Variants in METTL21A observed in about 807,000 individuals in gnomAD.
The protein encoded by METTL21A is methyltransferase 21A, HSPA lysine.
Under a neutral mutation model 20.9 loss-of-function variants are expected in METTL21A, and 22 were observed. The observed-to-expected ratio is 1.05, with a 90% CI of 0.75 to 1.50. METTL21A has a LOEUF of 1.50. Ranked by LOEUF, METTL21A falls within the 40% of genes most tolerant of loss-of-function variation. The pLI, the probability that METTL21A is intolerant of heterozygous loss-of-function variation, is 0.00. For synonymous variants in METTL21A, 93 were observed against 102.0 expected, an observed-to-expected ratio of 0.91 and a Z score of 0.53; for missense variants, 271 against 266.8, an observed-to-expected ratio of 1.02 and a Z score of -0.11.
At chr2:207,596,530 T>C (rs1036115333) in intron 3 of METTL21A, among the ~76,000 whole-genome samples, 2 of 152,158 alleles carry the variant, frequency 1.3e-5, no homozygotes, top group Non-Finnish European at 2.9e-5. Context: ...GCCTCCCAGG[T>C]TCAAGCGATG....
At chr2:207,603,075 T>C (rs946545716) in intron 3 of METTL21A, 1 of 211,490 alleles carries the variant, frequency 4.7e-6, no homozygotes, top group Non-Finnish European at 9.6e-6. Context: ...CTGATGTTTC[T>C]ATTGGAGTTG....
chr2:207,625,400 C>G (rs909294759), upstream of METTL21A: 5 of 151,994 alleles, frequency 3.3e-5, no homozygotes, highest in Non-Finnish European at 7.4e-5. Flanking sequence ...TTTCCGGTCT[C>G]CCGGCACCCA....
At position 207,599,215 on chromosome 2, in the gene METTL21A, G is replaced by C. The variant is rs143340162; in HGVS notation, c.260-17055C>G. ...GATGTTTGTCCTGCTGAGCTAATGG[G>C]GAAAGTTATAGCATAAAAATTGTGT... is the stretch of plus-strand genomic sequence containing the variant. On this transcript the variant is annotated intron_variant, in intron 3 of 3. Coordinates refer to the METTL21A transcript ENST00000425132. The C allele has an allele frequency of 1.1e-4, 21 of 196,634 alleles. No individual in the cohort carries two copies. The East Asian group carries it at 1.5e-3, about 14-fold the overall frequency. 12.2% of individuals were successfully genotyped at this position (196,634 alleles called of 1,614,324 possible).
intron 3 of METTL21A, among the ~76,000 whole-genome samples, chr2:207,614,265 G>C (rs1339214574): frequency 6.6e-6 from 1 of 152,018 alleles, no homozygotes; most frequent in African/African-American, 2.4e-5. Context: ...TAAGCACAGT[G>C]CACACCTGTG....
chr2:207,589,249 G>T (rs1422547447), intron 3 of METTL21A, among the ~76,000 whole-genome samples: 1 of 152,172 alleles, frequency 6.6e-6, no homozygotes. Context: ...GAGGTTCTAG[G>T]TGAAAATGTG....
chr2:207,622,787 T>A (rs2090651180), intron 2 of METTL21A, among the ~76,000 whole-genome samples: 1 of 152,238 alleles, frequency 6.6e-6, no homozygotes, highest in African/African-American at 2.4e-5. Flanking sequence ...CAGAAAGAAG[T>A]GTATAAAGCT....
intron 3 of METTL21A, among the ~76,000 whole-genome samples, chr2:207,619,538 A>C (rs1235987714): frequency 6.6e-6 from 1 of 152,214 alleles, no homozygotes; most frequent in Non-Finnish European, 1.5e-5. Flanking sequence ...TAGCAGAGAA[A>C]TGCTTATGAC....
At chr2:207,617,263 G>A (rs1449601075) in intron 3 of METTL21A, among the ~76,000 whole-genome samples, 1 of 152,216 alleles carries the variant, frequency 6.6e-6, no homozygotes, top group African/African-American at 2.4e-5. Context: ...AAAGTCTCAT[G>A]TGGGAGAGAC....
chr2:207,609,575 C>G (rs896742997), downstream of METTL21A: 5 of 152,180 alleles, frequency 3.3e-5, no homozygotes, highest in African/African-American at 1.2e-4. Context: ...TGAGCAATTA[C>G]AAGTCCAATA....
intron 3 of METTL21A, among the ~76,000 whole-genome samples, chr2:207,590,395 T>C (rs919126646): frequency 3.9e-5 from 6 of 152,072 alleles, no homozygotes; most frequent in East Asian, 1.9e-4. Context: ...ATTTTGTTGA[T>C]TGTTTTTAAG....
chr2:207,605,803 C>T (rs1002210757), downstream of METTL21A, among the ~76,000 whole-genome samples: 26 of 152,196 alleles, frequency 1.7e-4, no homozygotes, highest in African/African-American at 6.0e-4. Context: ...CAAGTTGTAT[C>T]TCCAGGATAC....
downstream of METTL21A, among the ~76,000 whole-genome samples, chr2:207,606,088 G>T (rs2088049995): frequency 6.6e-6 from 1 of 152,148 alleles, no homozygotes; most frequent in African/African-American, 2.4e-5. Flanking sequence ...TTTTCAATAT[G>T]CCATCTTTTC....
intron 3 of METTL21A, chr2:207,582,214 TA>T (rs1465619926): frequency 4.3e-6 from 3 of 702,220 alleles, no homozygotes; most frequent in Non-Finnish European, 7.8e-6. Context: ...ACCACCACAG[TA>T]ATTAGGTGTA....
chr2:207,594,911 T>C (rs2085809814), intron 3 of METTL21A, among the ~76,000 whole-genome samples: 1 of 152,046 alleles, frequency 6.6e-6, no homozygotes, highest in African/African-American at 2.4e-5. Context: ...GGTTTTTTGA[T>C]AGTAGCCATC....
intron 3 of METTL21A, among the ~76,000 whole-genome samples, chr2:207,585,105 C>G (rs1262130551): frequency 6.6e-6 from 1 of 152,158 alleles, no homozygotes; most frequent in Non-Finnish European, 1.5e-5. Context: ...CACCCACTGT[C>G]TGGAATCATG....
exon 4 of METTL21A, chr2:207,581,839 C>A (rs1342452753): frequency 7.1e-6 from 5 of 702,702 alleles, no homozygotes; most frequent in Admixed American, 2.0e-5. Context: ...TAGTCTCCTT[C>A]AGTCTGTGAA....
upstream of METTL21A, chr2:207,625,685 G>A (rs1411926591): frequency 2.0e-5 from 3 of 152,308 alleles, no homozygotes; most frequent in Non-Finnish European, 4.4e-5. Flanking sequence ...ACCTGGCGCT[G>A]AATGTGCCTC....
intron 3 of METTL21A, among the ~76,000 whole-genome samples, chr2:207,620,302 G>T (rs1250402140): frequency 6.6e-6 from 1 of 152,110 alleles, no homozygotes. Flanking sequence ...AATTAGCTGG[G>T]CGTGGTGGCA....
chr2:207,624,107 T>C, intron 2 of METTL21A, 122 bp downstream of exon 2: 1 of 1,213,134 alleles, frequency 8.2e-7, no homozygotes, highest in Non-Finnish European at 1.1e-6. Flanking sequence ...TTGTGCACTT[T>C]AAATAGGTAA....
Sources: allele counts gnomAD v4.1 joint callset (sites outside exome capture counted in the v4.1 genomes callset), GRCh38; gene constraint gnomAD v4.1.1; transcripts MANE v1.5; gene names NCBI Gene and HGNC (gene_info 2026-07-23, HGNC 2026-07-21).